NNT: variants seen among roughly 807,000 people sequenced by gnomAD.
NNT encodes nicotinamide nucleotide transhydrogenase.
A neutral mutation model predicts 104.8 loss-of-function variants in NNT; 50 were observed. That is an observed-to-expected ratio of 0.48 (90% confidence interval 0.38 to 0.60). The LOEUF (loss-of-function observed/expected upper bound fraction) is 0.60. NNT is among the 20% of genes least tolerant of loss of function. The pLI is 0.00. For missense variants in NNT, 1,131 were observed against 1,330.7 expected (o/e 0.85, Z 2.33); for synonymous variants, 461 against 490.4 (o/e 0.94, Z 0.79).
At chr5:43,701,404 G>T (rs191319067) in intron 20 of NNT, among the ~76,000 whole-genome samples, 42 of 152,266 alleles carry the variant, frequency 2.8e-4, no homozygotes, top group Non-Finnish European at 4.6e-4. Flanking sequence ...TGCTGGAAAG[G>T]ACACGATTTC....
rs373443170 is a variant in NNT, at chr5:43,675,647, C to T, written c.2771C>T (p.Ala924Val). The T allele has an allele frequency of 3.7e-6, 6 of 1,605,440 alleles. No individual in the cohort carries two copies. Among genetic ancestry groups the T allele is most frequent in the Non-Finnish European group, 5.1e-6 (6 of 1,176,470 alleles). The change falls in exon 18 of 22, where the codon GCT becomes GTT. Residue 924 changes from alanine to valine, a missense_variant. Physicochemically the swap from Ala to Val is moderately conservative, Grantham distance 64. Coordinates refer to ENST00000344920, the MANE Select transcript of NNT (RefSeq NM_182977.3). ...AATGCAATTGACATGATTCGAGAAG[C>T]TAATAGCATTATTATTACACCAGGT... is the stretch of plus-strand genomic sequence containing the variant. ...LDNAIDMIRE[A>V]NSIIITPGYG...
At chr5:43,674,173 A>G (rs1028315020) in intron 17 of NNT, among the ~76,000 whole-genome samples, 17 of 152,234 alleles carry the variant, frequency 1.1e-4, no homozygotes, top group African/African-American at 3.1e-4. Flanking sequence ...TGTGTCTGAT[A>G]AACGAGTTTA....
chr5:43,634,224 A>G (rs1204688949), intron 7 of NNT, among the ~76,000 whole-genome samples: 3 of 152,160 alleles, frequency 2.0e-5, no homozygotes, highest in Non-Finnish European at 4.4e-5. Context: ...AGTTCCTTAC[A>G]TATATGAACC....
chr5:43,671,109 T>G (rs1741051333), intron 17 of NNT, among the ~76,000 whole-genome samples: 1 of 152,234 alleles, frequency 6.6e-6, no homozygotes, highest in African/African-American at 2.4e-5. Context: ...TTGTAACCCC[T>G]GCTTTTTTTT....
chr5:43,660,234 GGTT>G (rs901955906), intron 17 of NNT, among the ~76,000 whole-genome samples: 1 of 152,136 alleles, frequency 6.6e-6, no homozygotes, highest in Non-Finnish European at 1.5e-5. Flanking sequence ...TTTCTGGAAA[GGTT>G]GTTCTAATTT....
intron 20 of NNT, among the ~76,000 whole-genome samples, chr5:43,701,915 T>A (rs1211795324): frequency 6.6e-6 from 1 of 152,034 alleles, no homozygotes; most frequent in Admixed American, 6.5e-5. Flanking sequence ...GCCCAGTTTT[T>A]AAATATTTTT....
At chr5:43,642,632 C>A (rs537869839) in intron 7 of NNT, among the ~76,000 whole-genome samples, 5 of 152,174 alleles carry the variant, frequency 3.3e-5, no homozygotes, top group African/African-American at 1.2e-4. Flanking sequence ...AGAAGAAGGT[C>A]CAATGGTGCA....
intron 17 of NNT, among the ~76,000 whole-genome samples, chr5:43,662,647 C>T (rs1180346329): frequency 1.3e-5 from 2 of 152,040 alleles, no homozygotes; most frequent in African/African-American, 2.4e-5. Context: ...AATTCTAGCA[C>T]TTTGGGAGGC....
At chr5:43,694,684 G>T (rs1433479687) in intron 19 of NNT, among the ~76,000 whole-genome samples, 1 of 151,152 alleles carries the variant, frequency 6.6e-6, no homozygotes, top group Non-Finnish European at 1.5e-5. Context: ...TGGTTTGCAG[G>T]TATTTTGTTG....
intron 2 of NNT, among the ~76,000 whole-genome samples, chr5:43,612,189 C>G (rs1199532763): frequency 2.6e-5 from 4 of 152,228 alleles, no homozygotes; most frequent in Non-Finnish European, 5.9e-5. Flanking sequence ...CTCTCCTTGT[C>G]CCTCTCTGTG....
intron 19 of NNT, among the ~76,000 whole-genome samples, chr5:43,680,820 A>G (rs529869909): frequency 2.6e-5 from 4 of 152,248 alleles, no homozygotes; most frequent in African/African-American, 9.6e-5. Context: ...GAATGCCTGT[A>G]TAGCTTACCT....
chr5:43,617,680 C>G (rs758624500), intron 4 of NNT, among the ~76,000 whole-genome samples: 8 of 152,146 alleles, frequency 5.3e-5, no homozygotes, highest in Admixed American at 4.6e-4. Flanking sequence ...AATGTTTCCT[C>G]GTACATTTCC....
intron 17 of NNT, chr5:43,667,149 T>A (rs1446284879): frequency 1.2e-5 from 18 of 1,490,834 alleles, no homozygotes; most frequent in Non-Finnish European, 1.6e-5. Context: ...GAGATTCGTA[T>A]CTTTGTGATC....
At chr5:43,658,051 C>T (rs1180024384) in intron 16 of NNT, among the ~76,000 whole-genome samples, 1 of 152,030 alleles carries the variant, frequency 6.6e-6, no homozygotes, top group Admixed American at 6.6e-5. Flanking sequence ...AGGAGAATCG[C>T]TTGAACCTGG....
At chr5:43,700,855 G>A (rs563485753) in intron 20 of NNT, among the ~76,000 whole-genome samples, 3 of 152,280 alleles carry the variant, frequency 2.0e-5, no homozygotes, top group South Asian at 4.1e-4. Flanking sequence ...CTTAAAAAAG[G>A]CTGTTTATTA....
chr5:43,688,024 T>TA (rs1460119711), intron 19 of NNT, among the ~76,000 whole-genome samples: 5 of 152,330 alleles, frequency 3.3e-5, no homozygotes, highest in African/African-American at 1.2e-4. Context: ...TATATTGGGT[T>TA]ATTTAGCTAA....
chr5:43,670,745 G>T (rs937564776), intron 17 of NNT, among the ~76,000 whole-genome samples: 9 of 152,214 alleles, frequency 5.9e-5, no homozygotes, highest in African/African-American at 2.2e-4. Context: ...GTGCTGAGAA[G>T]AATGTGTATT....
intron 19 of NNT, among the ~76,000 whole-genome samples, chr5:43,683,519 A>G (rs922327687): frequency 1.3e-5 from 2 of 152,220 alleles, no homozygotes; most frequent in Non-Finnish European, 2.9e-5. Flanking sequence ...TGTTGATGAA[A>G]TCATTGTCAC....
intron 21 of NNT, among the ~76,000 whole-genome samples, 169 bp downstream of exon 21, chr5:43,702,905 G>A (rs1423949477): frequency 6.6e-6 from 1 of 152,088 alleles, no homozygotes; most frequent in Non-Finnish European, 1.5e-5. Context: ...CTGTTCTCCG[G>A]CCACCAGAGA....
Sources: allele counts gnomAD v4.1 joint callset (sites outside exome capture counted in the v4.1 genomes callset), GRCh38; gene constraint gnomAD v4.1.1; transcripts MANE v1.5; gene names NCBI Gene and HGNC (gene_info 2026-07-23, HGNC 2026-07-21).